Variants in MARCHF2 observed in about 807,000 individuals in gnomAD.
MARCHF2 encodes E3 ubiquitin-protein ligase MARCHF2.
MARCHF2 carries 22 observed loss-of-function variants against 24.0 expected under a neutral mutation model. The ratio of observed to expected loss-of-function variants is 0.92; its 90% confidence interval spans 0.66 to 1.31. The LOEUF is 1.31. Among genes scored for constraint, MARCHF2 ranks in the 50% most tolerant of loss-of-function variants. The pLI is 0.00. For missense variants in MARCHF2, 301 were observed against 335.3 expected, an observed-to-expected ratio of 0.90 and a Z score of 0.80; for synonymous variants, 154 against 153.0, an observed-to-expected ratio of 1.01 and a Z score of -0.05.
intron 2 of MARCHF2, among the ~76,000 whole-genome samples, chr19:8,425,416 AT>A (rs1403600624): frequency 2.7e-5 from 4 of 148,958 alleles, no homozygotes; most frequent in African/African-American, 7.4e-5. Flanking sequence ...AAAAAAGAAA[AT>A]TTTTTTTTTA....
chr19:8,428,649 CAAAAAAAAAAAAAAA>C (rs59542078), intron 3 of MARCHF2, among the ~76,000 whole-genome samples: 27 of 30,648 alleles, frequency 8.8e-4, no homozygotes, highest in Admixed American at 8.2e-3. Flanking sequence ...GACTCTATCT[CAAAAAAAAAAAAAAA>C]AAAAAAAAAA....
At chr19:8,433,138 A>G (rs939843266) in intron 4 of MARCHF2, among the ~76,000 whole-genome samples, 3 of 151,946 alleles carry the variant, frequency 2.0e-5, no homozygotes, top group African/African-American at 7.3e-5. Context: ...GGATCGCTTG[A>G]GCACTGGAGG....
At chr19:8,428,220 A>G (rs1967465034) in intron 3 of MARCHF2, among the ~76,000 whole-genome samples, 1 of 151,922 alleles carries the variant, frequency 6.6e-6, no homozygotes, top group African/African-American at 2.4e-5. Context: ...AGATCAGGCC[A>G]CTGCACTCCA....
intron 4 of MARCHF2, among the ~76,000 whole-genome samples, chr19:8,433,100 T>C (rs983245864): frequency 3.3e-5 from 5 of 151,884 alleles, no homozygotes; most frequent in Non-Finnish European, 5.9e-5. Flanking sequence ...GTGCCTGCAG[T>C]CTCAGCTACT....
chr19:8,423,286 C>T (rs901412873), intron 2 of MARCHF2: 15 of 151,610 alleles, frequency 9.9e-5, no homozygotes, highest in African/African-American at 3.1e-4. Context: ...GGCTGGTCTC[C>T]TGACCTCAGA....
chr19:8,438,246 T>C (rs955852091), intron 4 of MARCHF2, 142 bp from the exon 5 acceptor site: 1 of 821,810 alleles, frequency 1.2e-6, no homozygotes, highest in Non-Finnish European at 2.0e-6. Context: ...GTGCACTTTG[T>C]GGGAGGAATG....
At chr19:8,428,716 C>CACTTTGG (rs1413714213) in intron 3 of MARCHF2, among the ~76,000 whole-genome samples, 1 of 139,230 alleles carries the variant, frequency 7.2e-6, no homozygotes, top group Non-Finnish European at 1.5e-5. Flanking sequence ...ACAATCCCAG[C>CACTTTGG]ACTTTGGGAG....
chr19:8,431,845 A>C (rs1967595730), intron 4 of MARCHF2, among the ~76,000 whole-genome samples: 1 of 151,858 alleles, frequency 6.6e-6, no homozygotes, highest in Non-Finnish European at 1.5e-5. Flanking sequence ...TCTCAATAAA[A>C]ATAAAAACAA....
chr19:8,431,910 A>T (rs890570187), intron 4 of MARCHF2, among the ~76,000 whole-genome samples: 2 of 151,710 alleles, frequency 1.3e-5, no homozygotes, highest in Non-Finnish European at 2.9e-5. Flanking sequence ...TAATCCCCAT[A>T]CTTTGGGAGG....
At chr19:8,426,098 G>C (rs1363215493) in intron 2 of MARCHF2, among the ~76,000 whole-genome samples, 4 of 151,754 alleles carry the variant, frequency 2.6e-5, no homozygotes, top group Non-Finnish European at 4.4e-5. Flanking sequence ...GGGCGTGGTG[G>C]CAGGTGCCTG....
Position 8,438,564 on chromosome 19 carries a change from C to A in MARCHF2, c.*18C>A, listed in dbSNP as rs1453238850. On this transcript the variant is annotated 3_prime_UTR_variant, in exon 5 of 5. Coordinates refer to ENST00000215555, the MANE Select transcript of MARCHF2 (RefSeq NM_001005415.2). ...CAGTATGAATGCTGGGCTCTCCGGACCCTGCAGCAGAGAGGCCAGAGGTAG... is the reference window on the plus strand; with the variant it reads ...CAGTATGAATGCTGGGCTCTCCGGAACCTGCAGCAGAGAGGCCAGAGGTAG... The A allele has an allele frequency of 1.2e-6, 2 of 1,612,736 alleles. No individual in the cohort carries two copies. The highest frequency in any genetic ancestry group is 2.2e-5 in the East Asian group (1 of 44,850).
chr19:8,419,363 G>A (rs62117524), intron 1 of MARCHF2, among the ~76,000 whole-genome samples: 4 of 152,004 alleles, frequency 2.6e-5, no homozygotes, highest in East Asian at 3.9e-4. Context: ...GCATGGTGGC[G>A]CATGCCTGTA....
chr19:8,429,042 A>T (rs961993451), intron 3 of MARCHF2, among the ~76,000 whole-genome samples: 4 of 151,664 alleles, frequency 2.6e-5, no homozygotes, highest in African/African-American at 9.7e-5. Context: ...ACCCTCCCAC[A>T]CCCACTTTGG....
intron 1 of MARCHF2, among the ~76,000 whole-genome samples, chr19:8,414,270 C>A (rs1355920468): frequency 6.6e-6 from 1 of 151,836 alleles, no homozygotes; most frequent in African/African-American, 2.4e-5. Flanking sequence ...CATTATGACT[C>A]CCCGTCTTTT....
At chr19:8,417,888 G>A (rs1257476363) in intron 1 of MARCHF2, among the ~76,000 whole-genome samples, 7 of 149,240 alleles carry the variant, frequency 4.7e-5, no homozygotes, top group Non-Finnish European at 8.9e-5. Flanking sequence ...TCAGCCTCCC[G>A]AGTAGCTGGG....
intron 2 of MARCHF2, among the ~76,000 whole-genome samples, chr19:8,425,325 G>A (rs1967368058): frequency 6.6e-6 from 1 of 151,880 alleles, no homozygotes; most frequent in Admixed American, 6.6e-5. Flanking sequence ...GCTTGAACCT[G>A]GGAGGTGGAG....
At chr19:8,420,490 C>T (rs967006718) in intron 1 of MARCHF2, among the ~76,000 whole-genome samples, 9 of 147,740 alleles carry the variant, frequency 6.1e-5, no homozygotes, top group Admixed American at 1.4e-4. Flanking sequence ...GAGCTGAGAT[C>T]GTGCCACTGC....
rs200853063 is a variant in MARCHF2 at position 8,426,592 on chromosome 19, C to T, written c.177-17C>T. On this transcript the variant is annotated splice_polypyrimidine_tract_variant and intron_variant, in intron 2 of 4. Coordinates refer to ENST00000215555, the MANE Select transcript of MARCHF2 (RefSeq NM_001005415.2). ...GAAAGCCCAATCATTGCTCATGGGT[C>T]CTATCTCTGTGTCCAGTGATGGTCC... The T allele has an allele frequency of 1.2e-6, 2 of 1,609,192 alleles. No homozygotes were observed. Among genetic ancestry groups the T allele is most frequent in the African/African-American group, 2.7e-5 (2 of 74,940 alleles).
chr19:8,424,257 C>T (rs968945862), intron 2 of MARCHF2, among the ~76,000 whole-genome samples: 2 of 152,098 alleles, frequency 1.3e-5, no homozygotes, highest in African/African-American at 2.4e-5. Flanking sequence ...TTTCTATTTC[C>T]CCCTCACAAG....
Sources: allele counts gnomAD v4.1 joint callset (sites outside exome capture counted in the v4.1 genomes callset), GRCh38; gene constraint gnomAD v4.1.1; transcripts MANE v1.5; gene names NCBI Gene and HGNC (gene_info 2026-07-23, HGNC 2026-07-21).